The following PPP1R13B variants were observed in gnomAD, a reference collection of about 807,000 sequenced individuals.
The protein encoded by PPP1R13B is protein phosphatase 1 regulatory subunit 13B.
A neutral mutation model predicts 119.8 loss-of-function variants in PPP1R13B; 44 were observed. The observed-to-expected ratio is 0.37, with a 90% CI of 0.29 to 0.47. The LOEUF (loss-of-function observed/expected upper bound fraction) is 0.47. Ranked by LOEUF, PPP1R13B falls within the 20% of genes least tolerant of loss-of-function variation. The probability of loss-of-function intolerance (pLI) is 0.99; values close to 1 mark genes in which losing one functional copy is unlikely to be tolerated. For missense variants in PPP1R13B, 1,227 were observed against 1,413.5 expected, an observed-to-expected ratio of 0.87 and a Z score of 2.12; for synonymous variants, 542 against 561.5, an observed-to-expected ratio of 0.97 and a Z score of 0.49.
chr14:103,810,816 T>G (rs1219841673), intron 1 of PPP1R13B, among the ~76,000 whole-genome samples: 1 of 149,858 alleles, frequency 6.7e-6, no homozygotes, highest in Non-Finnish European at 1.5e-5. Flanking sequence ...AGGCTAGGTG[T>G]GGTGGCTCGT....
chr14:103,813,269 C>T (rs1351051274), intron 1 of PPP1R13B, among the ~76,000 whole-genome samples: 1 of 151,928 alleles, frequency 6.6e-6, no homozygotes, highest in Non-Finnish European at 1.5e-5. Flanking sequence ...AGAGTCCCCA[C>T]TGTACTTTCA....
intron 9 of PPP1R13B, chr14:103,743,042 T>C: frequency 1.8e-6 from 1 of 562,696 alleles, no homozygotes; most frequent in South Asian, 2.1e-5. Flanking sequence ...TGCTGGCAGC[T>C]CACTGCCAAC....
chr14:103,839,702 A>G (rs2086860466), intron 1 of PPP1R13B, among the ~76,000 whole-genome samples: 1 of 151,428 alleles, frequency 6.6e-6, no homozygotes, highest in African/African-American at 2.4e-5. Flanking sequence ...TCAATCCTAC[A>G]CTACTCTCTC....
chr14:103,840,357 T>G (rs772597553), intron 1 of PPP1R13B, among the ~76,000 whole-genome samples: 22 of 152,236 alleles, frequency 1.4e-4, no homozygotes, highest in Admixed American at 5.9e-4. Flanking sequence ...TATTTTAAGT[T>G]CTTATTTTGC....
At chr14:103,819,499 T>TAAAAAAA (rs151084316) in intron 1 of PPP1R13B, among the ~76,000 whole-genome samples, 1 of 122,054 alleles carries the variant, frequency 8.2e-6, no homozygotes, top group Non-Finnish European at 1.7e-5. Flanking sequence ...ATCTGTCTAT[T>TAAAAAAA]AAAAAAAACA....
intron 9 of PPP1R13B, among the ~76,000 whole-genome samples, chr14:103,745,876 T>C (rs2084373931): frequency 6.6e-6 from 1 of 152,174 alleles, no homozygotes; most frequent in African/African-American, 2.4e-5. Context: ...AGTGGCACGA[T>C]CTCACTGCAA....
Position 103,741,709 on chromosome 14 carries a change from G to A in PPP1R13B, c.1822+81C>T, listed in dbSNP as rs553112026. 216 of 1,477,896 alleles carry A rather than the reference G, an allele frequency of 1.5e-4. 3 individuals are homozygous for A. The South Asian group carries it at 2.3e-3, about 16-fold the overall frequency. 91.5% of individuals were successfully genotyped at this position (1,477,896 alleles called of 1,614,324 possible). ...ATCCTAAATAGCACGTGGCCCAAAC[G>A]TAAAGAAATACATTAGTATTTTCTT... On this transcript the variant is annotated intron_variant, in intron 11 of 16. Coordinates refer to ENST00000202556, the MANE Select transcript of PPP1R13B (RefSeq NM_015316.3).
Position 103,749,905 on chromosome 14 carries a change from A to C in PPP1R13B, c.858T>G (p.Asn286Lys), listed in dbSNP as rs1166910246. Residue 286 changes from asparagine (N) to lysine (K), a missense_variant, in exon 8 of 17, where the codon AAT (asparagine) becomes AAG (lysine). Physicochemically the swap from Asn to Lys is moderately conservative, Grantham distance 94 (BLOSUM62 0). Transcript: ENST00000202556. ...QIRNQLNQEQ[N>K]SKLQQQKELL... ...GTTCCTTCTGCTGCTGAAGTTTTGA[A>C]TTTTGTTCCTGGTTAAGTTGGTTAC... 6.2e-7 allele frequency: 1 copy of C among 1,614,062 alleles called. No homozygotes were observed. The highest frequency in any genetic ancestry group is 1.7e-5 in the Admixed American group (1 of 59,986).
intron 1 of PPP1R13B, among the ~76,000 whole-genome samples, chr14:103,843,925 C>T (rs573829411): frequency 4.1e-5 from 6 of 144,940 alleles, no homozygotes; most frequent in Non-Finnish European, 7.4e-5. Context: ...TGCACTCCAG[C>T]GTGGCGACAG....
At chr14:103,795,494 G>A (rs2085737716) in intron 2 of PPP1R13B, among the ~76,000 whole-genome samples, 2 of 152,172 alleles carry the variant, frequency 1.3e-5, no homozygotes, top group African/African-American at 4.8e-5. Flanking sequence ...GGGAGACAAG[G>A]ATGGCACCAA....
Position 103,847,396 on chromosome 14 carries a change from C to A in PPP1R13B, c.-89G>T. On this transcript the variant is annotated 5_prime_UTR_variant, in exon 1 of 17. Coordinates refer to ENST00000202556, the MANE Select transcript of PPP1R13B (RefSeq NM_015316.3). ...CCACCGCTCCGGCCGCCTCCTAAGGCCGCGCTCCCGCCGCCGTGCTCTCCG... is the reference window on the plus strand; with the variant it reads ...CCACCGCTCCGGCCGCCTCCTAAGGACGCGCTCCCGCCGCCGTGCTCTCCG... 9.5e-7 allele frequency: 1 copy of A among 1,053,020 alleles called. No individual in the cohort carries two copies. The allele number at this position is 1,053,020 out of a possible 1,614,324, so 65.2% of individuals were successfully genotyped here. A position where few individuals can be genotyped will look rare whatever the true frequency, so the allele number is the denominator to read the frequency against.
At chr14:103,778,475 C>T in intron 4 of PPP1R13B, 1 of 269,764 alleles carries the variant, frequency 3.7e-6, no homozygotes, top group Non-Finnish European at 6.9e-6. Flanking sequence ...ATTGGCCAAG[C>T]TGGTCTCAAC....
At chr14:103,836,195 G>A (rs529757210) in intron 1 of PPP1R13B, among the ~76,000 whole-genome samples, 82 of 151,566 alleles carry the variant, frequency 5.4e-4, no homozygotes, top group South Asian at 2.1e-4. Context: ...ACAGGCGCCC[G>A]CCACCACACC....
chr14:103,779,550 G>A (rs1343111732), intron 3 of PPP1R13B, among the ~76,000 whole-genome samples: 1 of 151,164 alleles, frequency 6.6e-6, no homozygotes, highest in African/African-American at 2.4e-5. Flanking sequence ...CAAGGTGGGA[G>A]GATCACTTGA....
intron 3 of PPP1R13B, among the ~76,000 whole-genome samples, chr14:103,783,586 T>C (rs111431167): frequency 0.084 from 12,723 of 150,980 alleles, 762 homozygotes; most frequent in Non-Finnish European, 0.14. Flanking sequence ...CTCTCTCTGT[T>C]GCCCTGGCTG....
chr14:103,835,311 G>T (rs75079406), intron 1 of PPP1R13B, among the ~76,000 whole-genome samples: 8 of 151,906 alleles, frequency 5.3e-5, no homozygotes, highest in African/African-American at 1.9e-4. Context: ...TTTTGGTAGA[G>T]ATGGAGTTTT....
In PPP1R13B at chr14:103,742,169, C is replaced by T. The variant is rs1208523667; in HGVS notation, c.1443G>A (p.Arg481=). 6.2e-7 allele frequency: 1 copy of T among 1,608,988 alleles called. No homozygotes were observed. The highest frequency in any genetic ancestry group is 1.7e-5 in the Admixed American group (1 of 60,000). Reference sequence around the variant, plus strand: ...GCCTGGGCAAGCTGCCTTCCTTCCTCCTTTCCAGGGAGCTTGTCGACCCAG... The same window carrying T: ...GCCTGGGCAAGCTGCCTTCCTTCCTTCTTTCCAGGGAGCTTGTCGACCCAG... ...LGPGSTSSLE[R]RKEGSLPRPS... Residue 481 remains arginine, a synonymous_variant, in exon 11 of 17, where the codon AGG becomes AGA. Transcript: ENST00000202556. This position sits in a 1 kb window ranked among gnomAD's most constrained non-coding sequence, Gnocchi z 4.9.
Position 103,796,223 on chromosome 14 carries a change from C to T in PPP1R13B, c.157+1148G>A, listed in dbSNP as rs145694214. Among the ~76,000 whole-genome samples, 1,084 of 152,198 alleles carry T rather than the reference C, an allele frequency of 7.1e-3. 8 individuals are homozygous for T. The highest frequency in any genetic ancestry group is 0.011 in the Non-Finnish European group (768 of 68,020). ...GCTTGAGCCCAGAAGATAGAGGTTG[C>T]AGTGAGCCAGGATTGTGCCACTGTT... On this transcript the variant is annotated intron_variant, in intron 2 of 16. Transcript: ENST00000202556.
chr14:103,734,515 G>A lies in PPP1R13B; in HGVS notation c.*639C>T, dbSNP rs1221337172. 1.1e-5 allele frequency: 5 copies of A among 456,182 alleles called. No individual in the cohort carries two copies. Among genetic ancestry groups the A allele is most frequent in the Admixed American group, 4.7e-5 (2 of 42,550 alleles). 28.3% of individuals were successfully genotyped at this position (456,182 alleles called of 1,614,324 possible). A position where few individuals can be genotyped will look rare whatever the true frequency, so the allele number is the denominator to read the frequency against. ...TTAGGGGTCCTGGTGCCCGTGGCGC[G>A]GCAGTCCAGCCACAGTGCTGGGCCT... On this transcript the variant is annotated 3_prime_UTR_variant, in exon 17 of 17. Coordinates refer to ENST00000202556, the MANE Select transcript of PPP1R13B (RefSeq NM_015316.3).
Sources: allele counts gnomAD v4.1 joint callset (sites outside exome capture counted in the v4.1 genomes callset), GRCh38; gene constraint gnomAD v4.1.1; non-coding constraint Gnocchi (gnomAD v3.1); transcripts MANE v1.5; gene names NCBI Gene and HGNC (gene_info 2026-07-23, HGNC 2026-07-21).